Variants in TTN observed in about 807,000 individuals in gnomAD.
The protein encoded by TTN is titin.
Under a neutral mutation model 3,223.0 loss-of-function variants are expected in TTN, and 1,525 were observed. The ratio of observed to expected loss-of-function variants is 0.47; its 90% confidence interval spans 0.45 to 0.49. TTN has a LOEUF of 0.49. Ranked by LOEUF, TTN falls within the 20% of genes least tolerant of loss-of-function variation. The pLI is 0.00. For synonymous variants in TTN, 14,094 were observed against 15,161.0 expected (o/e 0.93, Z 5.17); for missense variants, 40,786 against 43,424.0 (o/e 0.94, Z 5.40).
intron 29 of TTN, 139 bp downstream of exon 29, chr2:178,774,782 T>G (rs2154345350): frequency 9.8e-7 from 1 of 1,017,124 alleles, no homozygotes; most frequent in East Asian, 2.6e-5. Context: ...GAACATAAAT[T>G]TATGATTCTG....
rs1227964604 is a variant in TTN at position 178,730,746 on chromosome 2, G to A, written c.17787C>T (p.Asp5929=). The A allele has an allele frequency of 2.5e-6, 4 of 1,608,406 alleles. No individual in the cohort carries two copies. In the South Asian group the frequency reaches 4.4e-5, roughly 18 times the overall value. Residue 5929 remains aspartate, a synonymous_variant, in exon 61 of 363, where the codon GAC becomes GAT. Transcript: ENST00000589042. ...AATCAATGAAAGAACCTTTAATGCTGTCCATTTTCTTCAGCTTTTTGGTGA... is the reference window on the plus strand; with the variant it reads ...AATCAATGAAAGAACCTTTAATGCTATCCATTTTCTTCAGCTTTTTGGTGA... ...PSFTKKLKKM[D]SIKGSFIDLE...
At chr2:178,692,187 T>A in intron 120 of TTN, 88 bp from the exon 121 acceptor site, 1 of 1,257,942 alleles carries the variant, frequency 7.9e-7, no homozygotes, top group Non-Finnish European at 1.1e-6. Flanking sequence ...AAATCTTCAC[T>A]AACAGTGTGA....
rs876657615 is a variant in TTN at position 178,804,571 on chromosome 2, G to C, written c.72C>G (p.Thr24=). Residue 24 remains threonine, a synonymous_variant, in exon 2 of 363, where the codon ACC becomes ACG. Coordinates refer to ENST00000589042, the MANE Select transcript of TTN (RefSeq NM_001267550.2). ...SVVVLEGSTA[T]FEAHISGFPV... is the part of the protein sequence containing the mutation. ...GCTTACCACTAATGTGAGCCTCAAA[G>C]GTTGCGGTACTACCCTCCAGTACCA... The C allele has an allele frequency of 8.7e-6, 14 of 1,613,826 alleles. No homozygotes were observed. The highest frequency in any genetic ancestry group is 1.1e-5 in the Non-Finnish European group (13 of 1,179,964).
At chr2:178,638,598 C>G (rs2060812367) in intron 223 of TTN, among the ~76,000 whole-genome samples, 2 of 147,764 alleles carry the variant, frequency 1.4e-5, no homozygotes, top group Non-Finnish European at 3.0e-5. Context: ...TTATTTTGTG[C>G]TTTATCAGTG....
Position 178,720,951 on chromosome 2 carries a change from C to T in TTN, c.23068G>A (p.Ala7690Thr), listed in dbSNP as rs763029699. 1.9e-5 allele frequency: 31 copies of T among 1,598,166 alleles called. No individual in the cohort carries two copies. The highest frequency in any genetic ancestry group is 6.7e-5 in the Admixed American group (4 of 59,640). ...ACTGTCAACGCTGTGCTGCAGCTGG[C>T]GTCACCAACACCATTATGAGCCTCA... ...ICEAHNGVGD[A>T]SCSTALTVKA... Residue 7690 changes from alanine (A) to threonine (T), a missense_variant, in exon 79 of 363, where the codon GCC (alanine) becomes ACC (threonine). Physicochemically the swap from Ala to Thr is moderately conservative, Grantham distance 58. Coordinates refer to ENST00000589042, the MANE Select transcript of TTN (RefSeq NM_001267550.2).
chr2:178,744,620 G>C, intron 47 of TTN: 2 of 940,682 alleles, frequency 2.1e-6, no homozygotes, highest in Non-Finnish European at 2.5e-6. Context: ...AGGAAAGCTT[G>C]TTATCTTGTT....
rs781750042 is a variant in TTN, at chr2:178,581,917, C to T, written c.66452G>A (p.Arg22151Gln). Residue 22151 changes from arginine to glutamine, a missense_variant, in exon 315 of 363, where the codon CGG becomes CAG. Arg to Gln is a conservative substitution (Grantham distance 43, BLOSUM62 1). Coordinates refer to ENST00000589042, the MANE Select transcript of TTN (RefSeq NM_001267550.2). ...PSDASKAAYA[R>Q]DPQYPPGPPA... is the part of the protein sequence containing the mutation. Reference sequence around the variant, plus strand: ...TCATGAACACTTACACTGAGGGTCCCGAGCATAAGCGGCCTTGGATGCGTC... The same window carrying T: ...TCATGAACACTTACACTGAGGGTCCTGAGCATAAGCGGCCTTGGATGCGTC... The T allele has an allele frequency of 4.3e-6, 7 of 1,612,940 alleles. No individual in the cohort carries two copies. The highest frequency in any genetic ancestry group is 2.7e-5 in the African/African-American group (2 of 74,860).
intron 257 of TTN, 138 bp downstream of exon 257, chr2:178,616,341 C>T: frequency 8.5e-7 from 1 of 1,177,250 alleles, no homozygotes; most frequent in East Asian, 2.4e-5. Flanking sequence ...CCGATGCATT[C>T]TTAAAAAGTT....
rs1347598272 is a variant in TTN, at chr2:178,731,144, T to C, written c.17521A>G (p.Thr5841Ala). 4 of 1,613,732 alleles carry C rather than the reference T, an allele frequency of 2.5e-6. No individual in the cohort carries two copies. In the Admixed American group the frequency reaches 6.7e-5, roughly 27 times the overall value. The change falls in exon 60 of 363, where the codon ACT becomes GCT. Residue 5841 changes from threonine to alanine, a missense_variant. By Grantham distance (58) the Thr-to-Ala change is moderately conservative. Coordinates refer to ENST00000589042, the MANE Select transcript of TTN (RefSeq NM_001267550.2). The part of the protein sequence containing the change: ...SIDVTQGDPA[T>A]LQVKFSGTKE... ...GTCCCTGAAAATTTAACCTGCAAAG[T>C]GGCTGGGTCTCCTTGGGTGACATCT...
rs767409447 is a variant in TTN, at chr2:178,608,470, A to C, written c.52413T>G (p.Pro17471=). The change falls in exon 275 of 363, where the codon CCT becomes CCG. Residue 17471 remains proline, a synonymous_variant. Coordinates refer to ENST00000589042, the MANE Select transcript of TTN (RefSeq NM_001267550.2). ...PLVAKDPFGP[P]DAPDKPIVED... ...CCACAATGGGCTTATCTGGTGCATC[A>C]GGTGGTCCTGATAAAAAAATAACAT... is the stretch of plus-strand genomic sequence containing the variant. The C allele has an allele frequency of 3.2e-6, 5 of 1,581,474 alleles. No homozygotes were observed. Among genetic ancestry groups the C allele is most frequent in the Middle Eastern group, 1.7e-4 (1 of 5,956 alleles).
intron 241 of TTN, 55 bp from the exon 242 acceptor site, chr2:178,624,786 G>T: frequency 6.3e-7 from 1 of 1,592,762 alleles, no homozygotes; most frequent in South Asian, 1.1e-5. Context: ...CAAGAGTTTT[G>T]GTACCTTCTC....
chr2:178,611,908 C>G lies in TTN; in HGVS notation c.50401G>C (p.Ala16801Pro). ...CAGTCAGGTCCTGCAGTCTTTCCAG[C>G]TTTCACCCAACGGGTACCTAACCTT... Reference protein sequence around the residue: ...KERLGTRWVKAGKTAGPDCNF... With the variant: ...KERLGTRWVKPGKTAGPDCNF... Residue 16801 changes from alanine (A) to proline (P), a missense_variant, in exon 268 of 363, where the codon GCT becomes CCT. Transcript: ENST00000589042. 1 of 1,612,718 alleles carries G rather than the reference C, an allele frequency of 6.2e-7. No individual in the cohort carries two copies. Among genetic ancestry groups the G allele is most frequent in the Non-Finnish European group, 8.5e-7 (1 of 1,179,238 alleles).
At position 178,770,592 on chromosome 2, in the gene TTN, T is replaced by G. The variant is rs775219028; in HGVS notation, c.8200A>C (p.Asn2734His). The stretch of plus-strand genomic sequence containing the variant: ...TTGATCCACTGGACACCTTTGACAT[T>G]AGGGTGTGTAAGCTCGACAGTGAAA... ...AVFTVELTHPNVKGVQWIKNG... is the reference protein window; with the variant it reads ...AVFTVELTHPHVKGVQWIKNG... The change falls in exon 35 of 363, where the codon AAT (asparagine) becomes CAT (histidine). Residue 2734 changes from asparagine (N) to histidine (H), a missense_variant. By Grantham distance (68) the Asn-to-His change is moderately conservative. Transcript: ENST00000589042. The G allele has an allele frequency of 6.2e-7, 1 of 1,614,168 alleles. No homozygotes were observed. The highest frequency in any genetic ancestry group is 1.1e-5 in the South Asian group (1 of 91,084).
intron 47 of TTN, chr2:178,750,697 T>G: frequency 6.2e-7 from 1 of 1,612,680 alleles, no homozygotes; most frequent in Non-Finnish European, 8.5e-7. Flanking sequence ...AATCATCCTT[T>G]TTTATTCTTT....
At position 178,724,369 on chromosome 2, in the gene TTN, G is replaced by T. The variant is rs759813012; in HGVS notation, c.21006C>A (p.Ile7002=). 7 of 1,613,542 alleles carry T rather than the reference G, an allele frequency of 4.3e-6. No homozygotes were observed. In the East Asian group the frequency reaches 1.6e-4, roughly 36 times the overall value. Residue 7002 remains isoleucine, a synonymous_variant, in exon 72 of 363, where the codon ATC becomes ATA. Transcript: ENST00000589042. The stretch of plus-strand genomic sequence containing the variant: ...CAACTGAGAGAATCCTTAAGGAAGA[G>T]ATTTTGTTGTAGAAGCTAAATTTGT... ...QKHKFSFYNK[I]SSLRILSVER... is the part of the protein sequence containing the mutation.
In TTN at chr2:178,689,895, G is replaced by A. The variant is rs766441395; in HGVS notation, c.31764C>T (p.Val10588=). The part of the protein sequence containing the change: ...PKKEPAAPPK[V]PEVPKKPVPE... ...GGACAGGTTTCTTTGGCACCTCTGG[G>A]ACTTAAAGTTTTTGAAACACAATGT... The change falls in exon 122 of 363, where the codon GTC becomes GTT. Residue 10588 remains valine, a splice_region_variant and synonymous_variant. Transcript: ENST00000589042. 27 of 1,612,730 alleles carry A rather than the reference G, an allele frequency of 1.7e-5. No individual in the cohort carries two copies. The highest frequency in any genetic ancestry group is 2.3e-5 in the Non-Finnish European group (27 of 1,179,360).
Position 178,541,335 on chromosome 2 carries a change from C to A in TTN, c.97742G>T (p.Gly32581Val), listed in dbSNP as rs397517771. 1.1e-4 allele frequency: 177 copies of A among 1,571,422 alleles called. 2 individuals carry two copies. The South Asian group carries it at 1.9e-3, about 17-fold the overall frequency. ...EHRVTAINAR[G>V]SGKPSRPSKP... Reference sequence around the variant, plus strand: ...GGAAGGACGACTTGGTTTCCCAGACCCTCTTGCATTAATGGCTGTGACACG... The same window carrying A: ...GGAAGGACGACTTGGTTTCCCAGACACTCTTGCATTAATGGCTGTGACACG... The change falls in exon 350 of 363, where the codon GGG (glycine) becomes GTG (valine). Residue 32581 changes from glycine to valine, a missense_variant. Coordinates refer to ENST00000589042, the MANE Select transcript of TTN (RefSeq NM_001267550.2).
chr2:178,677,729 C>T lies in TTN; in HGVS notation c.34183G>A (p.Glu11395Lys). The T allele has an allele frequency of 6.2e-7, 1 of 1,612,908 alleles. No homozygotes were observed. The highest frequency in any genetic ancestry group is 8.5e-7 in the Non-Finnish European group (1 of 1,179,236). Residue 11395 changes from glutamate (E) to lysine (K), a missense_variant, in exon 146 of 363, where the codon GAA becomes AAA. Coordinates refer to ENST00000589042, the MANE Select transcript of TTN (RefSeq NM_001267550.2). ...LPEEEEIPPE[E>K]EEVPPEEEYV... ...TCTTCTTCGGGAGGAACTTCCTCTTCCTCAGGTGGAATTTCCTCTTCTTCA... is the reference window on the plus strand; with the variant it reads ...TCTTCTTCGGGAGGAACTTCCTCTTTCTCAGGTGGAATTTCCTCTTCTTCA...
In TTN at chr2:178,722,901, T is replaced by C; in HGVS notation, c.21998A>G (p.Glu7333Gly). The C allele has an allele frequency of 6.2e-7, 1 of 1,612,670 alleles. No homozygotes were observed. The highest frequency in any genetic ancestry group is 8.5e-7 in the Non-Finnish European group (1 of 1,179,222). Residue 7333 changes from glutamate to glycine, a missense_variant, in exon 76 of 363, where the codon GAG becomes GGG. Glu to Gly is a moderately conservative substitution (Grantham distance 98). Coordinates refer to ENST00000589042, the MANE Select transcript of TTN (RefSeq NM_001267550.2). ...PYFVTELEPL[E>G]AAVGDSVSLQ... ...AGAAACCGAATCTCCAACTGCTGCC[T>C]CCAGAGGTTCCAGTTCCGTAACAAA... is the stretch of plus-strand genomic sequence containing the variant.
Sources: allele counts gnomAD v4.1 joint callset (sites outside exome capture counted in the v4.1 genomes callset), GRCh38; gene constraint gnomAD v4.1.1; transcripts MANE v1.5; gene names NCBI Gene and HGNC (gene_info 2026-07-23, HGNC 2026-07-21).